The following DNAH12 variants were observed in gnomAD, a reference collection of about 807,000 sequenced individuals.
DNAH12 encodes axonemal beta dynein heavy chain 12.
A neutral mutation model predicts 371.5 loss-of-function variants in DNAH12; 285 were observed. The observed-to-expected ratio is 0.77, with a 90% CI of 0.70 to 0.85. DNAH12 has a LOEUF of 0.85. Ranked by LOEUF, DNAH12 falls within the 40% of genes least tolerant of loss-of-function variation. DNAH12 has a pLI of 0.00. For missense variants in DNAH12, 3,611 were observed against 3,689.4 expected (o/e 0.98, Z 0.55); for synonymous variants, 1,200 against 1,213.0 (o/e 0.99, Z 0.22).
chr3:57,373,257 G>A (rs2063213250), intron 55 of DNAH12, among the ~76,000 whole-genome samples: 2 of 151,328 alleles, frequency 1.3e-5, no homozygotes, highest in Non-Finnish European at 2.9e-5. Context: ...CCAATCAGAT[G>A]TTTTTCACAG....
chr3:57,522,370 T>C (rs925417054), intron 4 of DNAH12, among the ~76,000 whole-genome samples: 4 of 152,224 alleles, frequency 2.6e-5, no homozygotes, highest in Non-Finnish European at 4.4e-5. Context: ...ACTGTATGCC[T>C]GGCTAGGAAC....
chr3:57,545,529 A>G (rs2069506303), upstream of DNAH12, among the ~76,000 whole-genome samples: 1 of 150,760 alleles, frequency 6.6e-6, no homozygotes, highest in East Asian at 2.0e-4. Flanking sequence ...GTTAGGGTTT[A>G]TTTTTTAGAG....
intron 33 of DNAH12, 46 bp downstream of exon 33, chr3:57,429,645 A>T (rs2064893771): frequency 6.8e-7 from 1 of 1,477,950 alleles, no homozygotes; most frequent in Non-Finnish European, 9.0e-7. Flanking sequence ...TAAATTAAAG[A>T]ATGAAGAAAT....
intron 29 of DNAH12, among the ~76,000 whole-genome samples, chr3:57,439,917 T>C (rs114271467): frequency 2.4e-4 from 37 of 151,342 alleles, no homozygotes; most frequent in Middle Eastern, 3.4e-3. Flanking sequence ...CCAACAAATA[T>C]ATGAAAAAAT....
At chr3:57,489,449 C>G in intron 12 of DNAH12, 60 bp downstream of exon 12, 1 of 1,418,054 alleles carries the variant, frequency 7.1e-7, no homozygotes, top group South Asian at 1.6e-5. Context: ...ACAAGAGTTA[C>G]TTTAGCAAAA....
chr3:57,410,645 G>A (rs565754309), intron 39 of DNAH12, among the ~76,000 whole-genome samples: 8 of 151,852 alleles, frequency 5.3e-5, no homozygotes, highest in South Asian at 2.1e-4. Flanking sequence ...TGGCAAAACC[G>A]TCTCTACTAA....
intron 4 of DNAH12, among the ~76,000 whole-genome samples, chr3:57,518,222 G>T (rs150839227): frequency 7.4e-4 from 112 of 151,796 alleles, no homozygotes; most frequent in Middle Eastern, 3.5e-3. Flanking sequence ...TATCATAGTA[G>T]TTGATTAAGA....
intron 25 of DNAH12, among the ~76,000 whole-genome samples, chr3:57,448,412 C>G (rs6445881): frequency 0.69 from 103,624 of 150,608 alleles, 35,744 homozygotes; most frequent in South Asian, 0.8. Flanking sequence ...GACCTTCGCC[C>G]TGAGTGTTAA....
chr3:57,386,723 A>G (rs973865170), intron 46 of DNAH12, 120 bp from the exon 47 acceptor site: 3 of 152,258 alleles, frequency 2.0e-5, no homozygotes, highest in Non-Finnish European at 4.4e-5. Context: ...GCTACTGAGT[A>G]CTTGAACATT....
chr3:57,477,587 A>T (rs1410089521), intron 13 of DNAH12, among the ~76,000 whole-genome samples: 3 of 152,188 alleles, frequency 2.0e-5, no homozygotes, highest in Non-Finnish European at 4.4e-5. Context: ...TGGTTCTCCC[A>T]GCATGCAGCT....
At chr3:57,517,166 T>C (rs915129006) in intron 4 of DNAH12, among the ~76,000 whole-genome samples, 1 of 152,166 alleles carries the variant, frequency 6.6e-6, no homozygotes, top group Non-Finnish European at 1.5e-5. Flanking sequence ...ATGCCTAATA[T>C]GGCCCCACTC....
intron 62 of DNAH12, among the ~76,000 whole-genome samples, chr3:57,328,313 A>G (rs1403979422): frequency 6.6e-6 from 1 of 151,574 alleles, no homozygotes; most frequent in Admixed American, 6.6e-5. Context: ...AATCCTCAAT[A>G]AAATACTGGC....
intron 52 of DNAH12, 30 bp downstream of exon 52, chr3:57,379,128 A>G (rs2063337343): frequency 6.6e-6 from 1 of 152,228 alleles, no homozygotes; most frequent in Non-Finnish European, 1.5e-5. Flanking sequence ...ATATCTTAGT[A>G]GAACACAGAT....
At chr3:57,484,803 T>A (rs889500718) in intron 12 of DNAH12, among the ~76,000 whole-genome samples, 4 of 151,982 alleles carry the variant, frequency 2.6e-5, no homozygotes, top group Non-Finnish European at 5.9e-5. Flanking sequence ...AACAAAAGAC[T>A]AGTATCCAGA....
At chr3:57,385,982 G>C (rs2063492603) in intron 47 of DNAH12, among the ~76,000 whole-genome samples, 1 of 151,992 alleles carries the variant, frequency 6.6e-6, no homozygotes, top group South Asian at 2.1e-4. Context: ...GCATCTCAGA[G>C]TATTCCTGAT....
chr3:57,439,900 C>A (rs1047853020), intron 29 of DNAH12, among the ~76,000 whole-genome samples: 2 of 151,562 alleles, frequency 1.3e-5, no homozygotes, highest in Non-Finnish European at 2.9e-5. Context: ...AAAAGACATG[C>A]AAGCAGCCAA....
At chr3:57,341,858 C>T (rs1437335883) in intron 60 of DNAH12, among the ~76,000 whole-genome samples, 3 of 130,030 alleles carry the variant, frequency 2.3e-5, no homozygotes, top group East Asian at 2.3e-4. Context: ...TACCAGGCTT[C>T]GAAATATACT....
chr3:57,472,724 T>A, intron 13 of DNAH12, 53 bp from the exon 14 acceptor site: 1 of 1,507,076 alleles, frequency 6.6e-7, no homozygotes, highest in East Asian at 2.5e-5. Context: ...TACATCATTA[T>A]GAAAAAGAGA....
the DNAH12 span, among the ~76,000 whole-genome samples, chr3:57,554,638 G>A: frequency 5.9e-5 from 9 of 151,900 alleles, no homozygotes; most frequent in Non-Finnish European, 1.0e-4. Flanking sequence ...GTTTTGAGAC[G>A]GAGTTTCACT....
Sources: allele counts gnomAD v4.1 joint callset (sites outside exome capture counted in the v4.1 genomes callset), GRCh38; gene constraint gnomAD v4.1.1; transcripts MANE v1.5; gene names NCBI Gene and HGNC (gene_info 2026-07-23, HGNC 2026-07-21).